ZSCAN5A: variants seen among roughly 807,000 people sequenced by gnomAD.
ZSCAN5A encodes the protein zinc finger and SCAN domain-containing protein 5A.
In ZSCAN5A, 12 loss-of-function variants were observed where a neutral mutation model predicts 23.7. The observed-to-expected ratio is 0.51, with a 90% CI of 0.32 to 0.82. ZSCAN5A has a LOEUF of 0.82. Among genes scored for constraint, ZSCAN5A ranks in the 40% least tolerant of loss-of-function variants. The pLI is 0.03. For missense variants in ZSCAN5A, 597 were observed against 617.9 expected (o/e 0.97, Z 0.36); for synonymous variants, 257 against 239.9 (o/e 1.07, Z -0.66).
chr19:56,341,446 A>T (rs528136149), intron 2 of ZSCAN5A, among the ~76,000 whole-genome samples: 1 of 152,132 alleles, frequency 6.6e-6, no homozygotes, highest in Admixed American at 6.5e-5. Context: ...AGCAACCCCA[A>T]GACAAATAAT....
chr19:56,343,561 G>C, intron 2 of ZSCAN5A: 2 of 343,922 alleles, frequency 5.8e-6, no homozygotes, highest in Non-Finnish European at 1.1e-5. Flanking sequence ...CCCTGAGAGA[G>C]GTACTATTAT....
chr19:56,240,363 C>T (rs926732506), intron 2 of ZSCAN5A, among the ~76,000 whole-genome samples: 14 of 152,120 alleles, frequency 9.2e-5, no homozygotes, highest in Non-Finnish European at 2.1e-4. Flanking sequence ...ATGTAATCAA[C>T]TCGGATCACC....
chr19:56,320,654 C>T (rs537088288), intron 2 of ZSCAN5A: 13 of 761,320 alleles, frequency 1.7e-5, no homozygotes, highest in South Asian at 4.0e-5. Flanking sequence ...GCGAGTACAA[C>T]GTGAAATCAT....
At chr19:56,250,771 T>C (rs977033763) in intron 2 of ZSCAN5A, among the ~76,000 whole-genome samples, 12 of 152,324 alleles carry the variant, frequency 7.9e-5, no homozygotes, top group Non-Finnish European at 1.8e-4. Flanking sequence ...ATACTGAGTA[T>C]GAAAGTGAGC....
intron 2 of ZSCAN5A, among the ~76,000 whole-genome samples, chr19:56,282,282 G>T (rs912660435): frequency 1.3e-4 from 20 of 152,070 alleles, no homozygotes; most frequent in African/African-American, 4.8e-4. Context: ...CTGACTTCAG[G>T]GTAAATGTGC....
intron 2 of ZSCAN5A, among the ~76,000 whole-genome samples, chr19:56,287,190 C>G (rs2039189097): frequency 6.6e-6 from 1 of 152,212 alleles, no homozygotes; most frequent in South Asian, 2.1e-4. Flanking sequence ...CTCTGTTTTC[C>G]CATCAACCTG....
chr19:56,308,933 T>G (rs1600256064), intron 2 of ZSCAN5A, among the ~76,000 whole-genome samples: 1 of 152,048 alleles, frequency 6.6e-6, no homozygotes, highest in African/African-American at 2.4e-5. Context: ...AGGCAAGAGG[T>G]TGGCAAACTT....
chr19:56,245,518 C>T, intron 2 of ZSCAN5A: 1 of 398,062 alleles, frequency 2.5e-6, no homozygotes, highest in Non-Finnish European at 4.6e-6. Flanking sequence ...AGATTTGGCA[C>T]AGGACAAGAA....
intron 2 of ZSCAN5A, among the ~76,000 whole-genome samples, chr19:56,328,286 C>T (rs1045864112): frequency 2.0e-5 from 3 of 152,210 alleles, no homozygotes; most frequent in South Asian, 4.1e-4. Context: ...TCACAGAATG[C>T]AAACTTCCTG....
intron 2 of ZSCAN5A, chr19:56,321,653 T>C (rs2041377452): frequency 6.8e-6 from 7 of 1,025,414 alleles, no homozygotes; most frequent in South Asian, 1.3e-5. Flanking sequence ...ATGTCGTCCA[T>C]CATAGTAGAC....
At chr19:56,361,161 T>A (rs1304173272) in intron 2 of ZSCAN5A, among the ~76,000 whole-genome samples, 3 of 152,108 alleles carry the variant, frequency 2.0e-5, no homozygotes, top group South Asian at 2.1e-4. Flanking sequence ...TGAGATACCA[T>A]CTCACACCAG....
intron 2 of ZSCAN5A, chr19:56,320,710 T>C: frequency 5.3e-6 from 6 of 1,123,454 alleles, no homozygotes; most frequent in Non-Finnish European, 8.2e-6. Flanking sequence ...AGTTCACCTC[T>C]GCTTCAATAT....
chr19:56,229,757 T>C (rs551314977), intron 2 of ZSCAN5A, among the ~76,000 whole-genome samples: 12 of 152,044 alleles, frequency 7.9e-5, no homozygotes, highest in African/African-American at 2.9e-4. Flanking sequence ...GTCTTTTTTG[T>C]TTTTTTTCAT....
chr19:56,323,754 T>C (rs2041405635), intron 2 of ZSCAN5A, among the ~76,000 whole-genome samples: 1 of 151,934 alleles, frequency 6.6e-6, no homozygotes, highest in African/African-American at 2.4e-5. Flanking sequence ...CAGGCTGGTC[T>C]CAAACTCCTG....
chr19:56,228,274 G>T (rs1302856048), intron 2 of ZSCAN5A: 3 of 985,124 alleles, frequency 3.0e-6, no homozygotes, highest in Non-Finnish European at 3.6e-6. Context: ...TTCTGCCTCC[G>T]ACCTTCTCGG....
chr19:56,336,558 T>A (rs1195926382), intron 2 of ZSCAN5A, among the ~76,000 whole-genome samples: 6 of 152,236 alleles, frequency 3.9e-5, no homozygotes, highest in Non-Finnish European at 5.9e-5. Flanking sequence ...AGTAGTTTGA[T>A]CTTCTGAAGC....
At chr19:56,366,245 A>C (rs1289282953) in intron 1 of ZSCAN5A, among the ~76,000 whole-genome samples, 2 of 152,072 alleles carry the variant, frequency 1.3e-5, no homozygotes, top group Admixed American at 1.3e-4. Context: ...GATCGAGACC[A>C]TCCTGGCTAA....
intron 2 of ZSCAN5A, among the ~76,000 whole-genome samples, chr19:56,296,821 G>A (rs1365376207): frequency 3.9e-5 from 6 of 152,104 alleles, no homozygotes; most frequent in African/African-American, 9.7e-5. Context: ...ATCACCTGAG[G>A]TCAGAAGTTC....
chr19:56,308,047 T>G (rs970931460), intron 2 of ZSCAN5A, among the ~76,000 whole-genome samples: 37 of 152,344 alleles, frequency 2.4e-4, no homozygotes, highest in Middle Eastern at 3.4e-3. Flanking sequence ...TTAAACCTTT[T>G]TTTTTGAGAC....
Sources: allele counts gnomAD v4.1 joint callset (sites outside exome capture counted in the v4.1 genomes callset), GRCh38; gene constraint gnomAD v4.1.1; transcripts MANE v1.5; gene names NCBI Gene and HGNC (gene_info 2026-07-23, HGNC 2026-07-21).